Variants in ASAP1 observed in about 807,000 individuals in gnomAD.
ASAP1 encodes ArfGAP with SH3 domain, ankyrin repeat and PH domain 1, also known as arf-GAP with SH3 domain, ANK repeat and PH domain-containing protein 1.
A neutral mutation model predicts 145.2 loss-of-function variants in ASAP1; 43 were observed. The ratio of observed to expected loss-of-function variants is 0.30; its 90% CI spans 0.23 to 0.38. The LOEUF is 0.38. Ranked by LOEUF, ASAP1 falls within the 10% of genes least tolerant of loss-of-function variation. The pLI is 1.00. For missense variants in ASAP1, 1,018 were observed against 1,355.3 expected, an observed-to-expected ratio of 0.75 and a Z score of 3.91; for synonymous variants, 546 against 515.5, an observed-to-expected ratio of 1.06 and a Z score of -0.80.
chr8:130,134,451 T>A, intron 14 of ASAP1, 107 bp from the exon 15 acceptor site: 1 of 618,332 alleles, frequency 1.6e-6, no homozygotes, highest in Non-Finnish European at 2.6e-6. Flanking sequence ...AGTAGAATTT[T>A]AATATTATTT....
intron 1 of ASAP1, among the ~76,000 whole-genome samples, chr8:130,416,640 C>G (rs1378577483): frequency 6.6e-6 from 1 of 152,196 alleles, no homozygotes. Flanking sequence ...CCCTATTTCC[C>G]CTGAATGACA....
In ASAP1 at chr8:130,057,950, G is replaced by A. The variant is rs770898125; in HGVS notation, c.3315+4C>T. 2.7e-5 allele frequency: 43 copies of A among 1,613,974 alleles called. No individual in the cohort carries two copies. The South Asian group carries it at 3.7e-4, about 14-fold the overall frequency. Reference sequence around the variant, plus strand: ...GGATGAAGTGGATGGATATTCGTACGTACCCACCACTCCTGGTCCTCTTCC... The same window carrying A: ...GGATGAAGTGGATGGATATTCGTACATACCCACCACTCCTGGTCCTCTTCC... On this transcript the variant is annotated splice_donor_region_variant and intron_variant, in intron 29 of 29. Coordinates refer to ENST00000518721, the MANE Select transcript of ASAP1 (RefSeq NM_018482.4).
At position 130,060,909 on chromosome 8, in the gene ASAP1, A is replaced by T; in HGVS notation, c.2862T>A (p.Asp954Glu). 1 of 1,611,372 alleles carries T rather than the reference A, an allele frequency of 6.2e-7. No homozygotes were observed. Among genetic ancestry groups the T allele is most frequent in the Non-Finnish European group, 8.5e-7 (1 of 1,178,500 alleles). Residue 954 changes from aspartate to glutamate, a missense_variant, in exon 28 of 30, where the codon GAT becomes GAA. Transcript: ENST00000518721. ...GCAGTTCTCCTGGCTTAGGCGGCAA[A>T]TCTCCAATTTGGGGCTTGGGGGCCA... ...TELAPKPQIG[D>E]LPPKPGELPP...
intron 3 of ASAP1, among the ~76,000 whole-genome samples, chr8:130,264,240 T>C (rs780079865): frequency 4.6e-5 from 7 of 152,184 alleles, no homozygotes; most frequent in Non-Finnish European, 1.0e-4. Flanking sequence ...CTAAATAGGA[T>C]TGGAAATGGA....
intron 3 of ASAP1, among the ~76,000 whole-genome samples, chr8:130,335,570 TC>T (rs1210434866): frequency 2.2e-4 from 33 of 152,248 alleles, no homozygotes; most frequent in African/African-American, 7.9e-4. Flanking sequence ...AAGCCAGAAA[TC>T]AACAGTGCCT....
At chr8:130,363,418 C>A (rs1224287715) in intron 2 of ASAP1, among the ~76,000 whole-genome samples, 1 of 152,098 alleles carries the variant, frequency 6.6e-6, no homozygotes, top group Non-Finnish European at 1.5e-5. Context: ...AAAATATTCA[C>A]CATGACCTGC....
At chr8:130,324,844 C>T (rs145027318) in intron 3 of ASAP1, among the ~76,000 whole-genome samples, 167 of 152,314 alleles carry the variant, frequency 1.1e-3, no homozygotes, top group African/African-American at 3.9e-3. Context: ...AGCAAAAGCA[C>T]ACCCTTGCAT....
chr8:130,161,776 TA>T lies in ASAP1; in HGVS notation c.910-1813del, dbSNP rs201149061. Among the ~76,000 whole-genome samples the T allele has an allele frequency of 3.5e-3, 537 of 151,426 alleles. 2 individuals are homozygous for T. Among genetic ancestry groups the T allele is most frequent in the African/African-American group, 0.013 (518 of 40,686 alleles). ...TAGGATTTTCTTGCAAAATTCTCCC[TA>T]AATATTTCCTTTTAAAAAATACATA... On this transcript the variant is annotated intron_variant, in intron 11 of 29. Coordinates refer to ENST00000518721, the MANE Select transcript of ASAP1 (RefSeq NM_018482.4).
intron 4 of ASAP1, among the ~76,000 whole-genome samples, chr8:130,235,524 T>C (rs1027786444): frequency 6.6e-6 from 1 of 152,092 alleles, no homozygotes; most frequent in Admixed American, 6.6e-5. Flanking sequence ...CCTACCACAG[T>C]GTGGGAGTTC....
intron 26 of ASAP1, among the ~76,000 whole-genome samples, chr8:130,078,423 T>C (rs541744213): frequency 5.9e-5 from 9 of 152,226 alleles, no homozygotes; most frequent in African/African-American, 2.2e-4. Flanking sequence ...GCCTCCCGTA[T>C]AGCCAGGTAT....
At chr8:130,378,568 G>T (rs922183885) in intron 2 of ASAP1, among the ~76,000 whole-genome samples, 1 of 152,228 alleles carries the variant, frequency 6.6e-6, no homozygotes, top group Non-Finnish European at 1.5e-5. Flanking sequence ...GATTGGAGCT[G>T]AGGTCAGACG....
chr8:130,177,620 T>G (rs942729243), intron 9 of ASAP1, among the ~76,000 whole-genome samples: 3 of 152,194 alleles, frequency 2.0e-5, no homozygotes, highest in Admixed American at 6.5e-5. Flanking sequence ...AACTTAATCT[T>G]AAGAAGGTGA....
At chr8:130,414,137 C>T (rs773181454) in intron 1 of ASAP1, among the ~76,000 whole-genome samples, 21 of 152,170 alleles carry the variant, frequency 1.4e-4, no homozygotes, top group Non-Finnish European at 2.6e-4. Flanking sequence ...GTACACCAGA[C>T]AGAAAGGTAG....
intron 24 of ASAP1, among the ~76,000 whole-genome samples, chr8:130,096,255 G>T (rs1197631843): frequency 6.6e-6 from 1 of 152,182 alleles, no homozygotes; most frequent in Non-Finnish European, 1.5e-5. Context: ...CAGTCCCACA[G>T]CATTAAAAGG....
intron 2 of ASAP1, among the ~76,000 whole-genome samples, chr8:130,373,738 T>G (rs973282531): frequency 6.6e-6 from 1 of 151,074 alleles, no homozygotes; most frequent in Non-Finnish European, 1.5e-5. Flanking sequence ...ATCCAGCTAC[T>G]TGGGAGGCTG....
intron 12 of ASAP1, among the ~76,000 whole-genome samples, chr8:130,153,617 C>T (rs2097652155): frequency 6.6e-6 from 1 of 151,712 alleles, no homozygotes; most frequent in South Asian, 2.1e-4. Context: ...ATCTGCCCGC[C>T]TCGCCCTCCC....
intron 4 of ASAP1, 135 bp from the exon 5 acceptor site, chr8:130,214,836 A>G (rs1213119982): frequency 8.4e-6 from 6 of 716,468 alleles, no homozygotes; most frequent in Non-Finnish European, 1.3e-5. Context: ...ACATGTCCCA[A>G]AGGTTAGGTT....
chr8:130,435,833 T>G (rs1830292617), intron 1 of ASAP1, among the ~76,000 whole-genome samples: 1 of 152,216 alleles, frequency 6.6e-6, no homozygotes, highest in South Asian at 2.1e-4. Context: ...TTAAAGCCTC[T>G]GGGTGTGACT....
At chr8:130,355,984 A>G (rs1040308382) in intron 3 of ASAP1, among the ~76,000 whole-genome samples, 40 of 152,154 alleles carry the variant, frequency 2.6e-4, no homozygotes, top group African/African-American at 9.7e-4. Context: ...CTAACATGAC[A>G]CTGAACTTCT....
Sources: allele counts gnomAD v4.1 joint callset (sites outside exome capture counted in the v4.1 genomes callset), GRCh38; gene constraint gnomAD v4.1.1; transcripts MANE v1.5; gene names NCBI Gene and HGNC (gene_info 2026-07-23, HGNC 2026-07-21).